NTNG2: variants seen among roughly 807,000 people sequenced by gnomAD.
The protein encoded by NTNG2 is netrin G2, also known as netrin-G2.
Under a neutral mutation model 47.6 loss-of-function variants are expected in NTNG2, and 15 were observed. The observed-to-expected ratio is 0.32, with a 90% CI of 0.21 to 0.49. The LOEUF is 0.49. NTNG2 is among the 20% of genes least tolerant of loss of function. The pLI, the probability that NTNG2 is intolerant of heterozygous loss-of-function variation, is 0.99. For synonymous variants in NTNG2, 307 were observed against 324.6 expected, an observed-to-expected ratio of 0.95 and a Z score of 0.58; for missense variants, 578 against 764.6, an observed-to-expected ratio of 0.76 and a Z score of 2.88.
rs1459895277 is a variant in NTNG2 at position 132,236,352 on chromosome 9, G to A, written c.1055-2752G>A. ...TCCTGCTACGTGGGAGGAGACACAGGGCTCATCTGTAGCCATAGACAGACA... is the reference window on the plus strand; with the variant it reads ...TCCTGCTACGTGGGAGGAGACACAGAGCTCATCTGTAGCCATAGACAGACA... On this transcript the variant is annotated intron_variant, in intron 5 of 7. Coordinates refer to ENST00000393229, the MANE Select transcript of NTNG2 (RefSeq NM_032536.4). The surrounding 1 kb of genome is among the most constrained non-coding windows in gnomAD (Gnocchi z 4.3). Among the ~76,000 whole-genome samples the A allele has an allele frequency of 6.6e-6, 1 of 152,188 alleles. No homozygotes were observed. Among genetic ancestry groups the A allele is most frequent in the Non-Finnish European group, 1.5e-5 (1 of 68,036 alleles).
chr9:132,176,753 T>C (rs1265952010), intron 2 of NTNG2, among the ~76,000 whole-genome samples: 1 of 152,224 alleles, frequency 6.6e-6, no homozygotes. Context: ...GTGTAACTTT[T>C]TGGGGAGCCA....
intron 3 of NTNG2, among the ~76,000 whole-genome samples, chr9:132,206,733 C>T (rs923711778): frequency 2.6e-5 from 4 of 152,266 alleles, no homozygotes; most frequent in Non-Finnish European, 5.9e-5. Context: ...TGGGGACAGA[C>T]ATTTTGTTAA....
In NTNG2 at chr9:132,162,511, G is replaced by T. The variant is rs1007142754; in HGVS notation, c.-484+272G>T. ...TTGTCTTTCTGGCCAGCTTCCCCCG[G>T]GTCCTTTCCGTCGTGTGTGTGAGAG... On this transcript the variant is annotated intron_variant, in intron 1 of 7. Transcript: ENST00000393229. This position sits in a 1 kb window ranked among gnomAD's most constrained non-coding sequence, Gnocchi z 4.6. Among the ~76,000 whole-genome samples, 7 of 151,166 alleles carry T rather than the reference G, an allele frequency of 4.6e-5. No homozygotes were observed. The highest frequency in any genetic ancestry group is 1.0e-4 in the Non-Finnish European group (7 of 67,852).
intron 2 of NTNG2, among the ~76,000 whole-genome samples, chr9:132,195,607 G>A (rs1313131791): frequency 2.0e-5 from 3 of 151,302 alleles, no homozygotes; most frequent in Non-Finnish European, 2.9e-5. Context: ...GATTACAGGC[G>A]TGAGCCACCG....
chr9:132,178,786 C>CAAAAAAAAAA (rs57942639), intron 2 of NTNG2, among the ~76,000 whole-genome samples: 1 of 93,544 alleles, frequency 1.1e-5, no homozygotes, highest in Admixed American at 1.2e-4. Context: ...ACTAAAAATA[C>CAAAAAAAAAA]AAAAAAAAAA....
intron 2 of NTNG2, among the ~76,000 whole-genome samples, chr9:132,170,897 G>A (rs2131292829): frequency 6.6e-6 from 1 of 152,288 alleles, no homozygotes; most frequent in African/African-American, 2.4e-5. Context: ...TGGAGCGCTG[G>A]GGTGGGGTTG....
At chr9:132,183,558 C>T (rs150840129) in intron 2 of NTNG2, among the ~76,000 whole-genome samples, 119 of 152,320 alleles carry the variant, frequency 7.8e-4, no homozygotes, top group Non-Finnish European at 1.2e-3. Context: ...CCGTCACCTC[C>T]AGGGCTTGTC....
At chr9:132,184,967 T>C (rs1021336168) in intron 2 of NTNG2, among the ~76,000 whole-genome samples, 1 of 152,062 alleles carries the variant, frequency 6.6e-6, no homozygotes, top group African/African-American at 2.4e-5. Flanking sequence ...GCAGAGCTGG[T>C]GGCAGAGCCA....
At chr9:132,171,530 AG>A (rs1446681895) in intron 2 of NTNG2, among the ~76,000 whole-genome samples, 1 of 152,230 alleles carries the variant, frequency 6.6e-6, no homozygotes, top group Non-Finnish European at 1.5e-5. Flanking sequence ...TTTGGTGGAC[AG>A]GAAAGCCAAG....
chr9:132,191,762 C>T (rs931974632), intron 2 of NTNG2, among the ~76,000 whole-genome samples: 4 of 152,052 alleles, frequency 2.6e-5, no homozygotes, highest in African/African-American at 7.2e-5. Flanking sequence ...TTAGTAGAGA[C>T]GGGGTTTCAC....
chr9:132,169,782 A>G (rs1044388240), intron 2 of NTNG2, among the ~76,000 whole-genome samples: 1 of 152,140 alleles, frequency 6.6e-6, no homozygotes, highest in Non-Finnish European at 1.5e-5. Flanking sequence ...AGTGTGCAAT[A>G]CTAGTCACCA....
intron 3 of NTNG2, among the ~76,000 whole-genome samples, chr9:132,225,938 CTG>C (rs1157430450): frequency 6.6e-6 from 1 of 152,146 alleles, no homozygotes; most frequent in East Asian, 1.9e-4. Flanking sequence ...GCTCTGTCCT[CTG>C]TCTTTCCTGT....
intron 2 of NTNG2, among the ~76,000 whole-genome samples, chr9:132,194,657 C>T (rs1042292271): frequency 2.0e-5 from 3 of 152,264 alleles, no homozygotes; most frequent in Non-Finnish European, 2.9e-5. Flanking sequence ...CCTCAGTCCC[C>T]CCATCTGCTT....
At position 132,171,396 on chromosome 9, in the gene NTNG2, C is replaced by T. The variant is rs561244703; in HGVS notation, c.213+4352C>T. 3.9e-5 allele frequency among the ~76,000 whole-genome samples: 6 copies of T among 152,338 alleles called. No homozygotes were observed. The South Asian group carries it at 1.2e-3, about 32-fold the overall frequency. On this transcript the variant is annotated intron_variant, in intron 2 of 7. Transcript: ENST00000393229. ...CTTGGCAGAGACTGTAAGTTCTTTTCTAGTGTGAGGCTTGAATATTATTGT... is the reference window on the plus strand; with the variant it reads ...CTTGGCAGAGACTGTAAGTTCTTTTTTAGTGTGAGGCTTGAATATTATTGT...
At chr9:132,203,067 T>TA (rs1838905717) in intron 3 of NTNG2, among the ~76,000 whole-genome samples, 1 of 152,142 alleles carries the variant, frequency 6.6e-6, no homozygotes, top group African/African-American at 2.4e-5. Flanking sequence ...GGGTCAGGGC[T>TA]GCCTAGATAT....
chr9:132,227,363 A>C (rs1211873414), intron 4 of NTNG2, among the ~76,000 whole-genome samples: 1 of 152,174 alleles, frequency 6.6e-6, no homozygotes, highest in Non-Finnish European at 1.5e-5. Context: ...GCCCTGGTCC[A>C]CAGGGAAACC....
rs966306257 is a variant in NTNG2 at position 132,182,205 on chromosome 9, A to G, written c.213+15161A>G. ...ACGCACCAGCTCTGGGGAAGGCGAG[A>G]TGGCTTTGCCTGGAGGAACCTGATT... On this transcript the variant is annotated intron_variant, in intron 2 of 7. Coordinates refer to ENST00000393229, the MANE Select transcript of NTNG2 (RefSeq NM_032536.4). The surrounding 1 kb of genome is among the most constrained non-coding windows in gnomAD (Gnocchi z 4.2). Among the ~76,000 whole-genome samples the G allele has an allele frequency of 5.9e-5, 9 of 152,260 alleles. No individual in the cohort carries two copies. The highest frequency in any genetic ancestry group is 2.2e-4 in the African/African-American group (9 of 41,470).
At position 132,210,518 on chromosome 9, in the gene NTNG2, G is replaced by C. The variant is rs529272762; in HGVS notation, c.857+11909G>C. On this transcript the variant is annotated intron_variant, in intron 3 of 7. Transcript: ENST00000393229. The stretch of plus-strand genomic sequence containing the variant: ...CAGTTCATAGTAGGTATAGCCAAAG[G>C]TACTTTGGAGGAGAGTGCTGCTGCC... Among the ~76,000 whole-genome samples the C allele has an allele frequency of 4.6e-5, 7 of 152,326 alleles. 1 individual carries two copies. The South Asian group carries it at 1.4e-3, about 32-fold the overall frequency.
intron 2 of NTNG2, among the ~76,000 whole-genome samples, chr9:132,190,190 G>C (rs748128127): frequency 2.3e-5 from 3 of 128,018 alleles, no homozygotes; most frequent in African/African-American, 9.1e-5. Flanking sequence ...CCGAGATAGC[G>C]CCACTGCACT....
Sources: allele counts gnomAD v4.1 joint callset (sites outside exome capture counted in the v4.1 genomes callset), GRCh38; gene constraint gnomAD v4.1.1; non-coding constraint Gnocchi (gnomAD v3.1); transcripts MANE v1.5; gene names NCBI Gene and HGNC (gene_info 2026-07-23, HGNC 2026-07-21).